Variants in HEMK2 observed in about 807,000 individuals in gnomAD.
HEMK2 encodes HemK methyltransferase 2, ETF1 glutamine and histone H4 lysine, also known as methyltransferase HEMK2.
At chr21:28,740,956 A>G in the HEMK2 span, among the ~76,000 whole-genome samples, 1 of 152,188 alleles carries the variant, frequency 6.6e-6, no homozygotes, top group East Asian at 1.9e-4. Flanking sequence ...GGCACTGTTC[A>G]TAACTGTATA....
the HEMK2 span, among the ~76,000 whole-genome samples, chr21:28,803,580 G>T: frequency 1.3e-5 from 2 of 152,098 alleles, no homozygotes; most frequent in African/African-American, 2.4e-5. Flanking sequence ...TGCCAAAGAA[G>T]GAAATATATT....
At chr21:28,627,804 G>T in the HEMK2 span, among the ~76,000 whole-genome samples, 220 of 152,246 alleles carry the variant, frequency 1.4e-3, 1 homozygote, top group Non-Finnish European at 2.4e-3. Context: ...CTCTTTTTCT[G>T]CCTGGCAGAT....
the HEMK2 span, among the ~76,000 whole-genome samples, chr21:28,857,767 T>C: frequency 6.6e-6 from 1 of 152,190 alleles, no homozygotes; most frequent in Non-Finnish European, 1.5e-5. Flanking sequence ...AAGATTTCCC[T>C]CCTTTAGGGA....
At chr21:28,836,936 G>A in the HEMK2 span, among the ~76,000 whole-genome samples, 2 of 152,130 alleles carry the variant, frequency 1.3e-5, no homozygotes, top group Non-Finnish European at 2.9e-5. Context: ...ATTATATAAT[G>A]GTAAAAGGCC....
At chr21:28,592,466 T>C in the HEMK2 span, among the ~76,000 whole-genome samples, 2 of 152,212 alleles carry the variant, frequency 1.3e-5, no homozygotes, top group South Asian at 4.1e-4. Flanking sequence ...TGAAAATGTG[T>C]GATGGGCTTA....
the HEMK2 span, among the ~76,000 whole-genome samples, chr21:28,732,059 C>A: frequency 6.6e-6 from 1 of 152,192 alleles, no homozygotes; most frequent in Non-Finnish European, 1.5e-5. Context: ...CTTTCATCAG[C>A]CACCCAGCCT....
chr21:28,845,346 A>C, the HEMK2 span, among the ~76,000 whole-genome samples: 1 of 152,082 alleles, frequency 6.6e-6, no homozygotes, highest in African/African-American at 2.4e-5. Context: ...TATTATTTAT[A>C]CTAATATCCA....
chr21:28,656,226 A>T, the HEMK2 span, among the ~76,000 whole-genome samples: 1 of 152,084 alleles, frequency 6.6e-6, no homozygotes, highest in African/African-American at 2.4e-5. Flanking sequence ...ACACAACCCA[A>T]GAAGTGGACC....
the HEMK2 span, among the ~76,000 whole-genome samples, chr21:28,584,852 C>T: frequency 7.2e-5 from 11 of 151,820 alleles, no homozygotes; most frequent in African/African-American, 2.7e-4. Context: ...TCTGTCTCTC[C>T]AAAACAAGAG....
At chr21:28,745,678 C>G in the HEMK2 span, among the ~76,000 whole-genome samples, 34,773 of 152,008 alleles carry the variant, frequency 0.23, 4,610 homozygotes, top group African/African-American at 0.35. Context: ...TGAATAATAG[C>G]TGGCTGCCAC....
At chr21:28,701,912 C>A in the HEMK2 span, among the ~76,000 whole-genome samples, 1 of 152,248 alleles carries the variant, frequency 6.6e-6, no homozygotes, top group Non-Finnish European at 1.5e-5. Context: ...AGAGGCATCA[C>A]ATTTCTCAAT....
chr21:28,759,363 C>T, the HEMK2 span, among the ~76,000 whole-genome samples: 2 of 152,142 alleles, frequency 1.3e-5, no homozygotes, highest in Non-Finnish European at 2.9e-5. Flanking sequence ...GCCAATTTCT[C>T]CCATTTGGAA....
chr21:28,811,564 T>C, the HEMK2 span, among the ~76,000 whole-genome samples: 1 of 152,312 alleles, frequency 6.6e-6, no homozygotes, highest in East Asian at 1.9e-4. Context: ...TAACATACTT[T>C]GGCATATTCC....
At chr21:28,585,629 C>T in the HEMK2 span, among the ~76,000 whole-genome samples, 1 of 151,866 alleles carries the variant, frequency 6.6e-6, no homozygotes, top group Non-Finnish European at 1.5e-5. Flanking sequence ...GCAGATTACA[C>T]AAAGTTAGAA....
chr21:28,668,301 C>A, the HEMK2 span, among the ~76,000 whole-genome samples: 1 of 152,130 alleles, frequency 6.6e-6, no homozygotes, highest in African/African-American at 2.4e-5. Flanking sequence ...AGAAGCAATA[C>A]CAAAATCTCA....
At chr21:28,880,064 G>A in the HEMK2 span, 20 of 655,418 alleles carry the variant, frequency 3.1e-5, no homozygotes, top group South Asian at 8.8e-5. Context: ...AATGTGTTAC[G>A]GGCTACGCTT....
chr21:28,777,510 A>C, the HEMK2 span, among the ~76,000 whole-genome samples: 1 of 152,144 alleles, frequency 6.6e-6, no homozygotes, highest in Non-Finnish European at 1.5e-5. Context: ...CTTAGCCCAA[A>C]CATAATTCAC....
At chr21:28,879,779 C>G in the HEMK2 span, 11 of 929,988 alleles carry the variant, frequency 1.2e-5, no homozygotes, top group African/African-American at 1.2e-4. Context: ...GTGATAGCAG[C>G]AGCTGACTGA....
the HEMK2 span, among the ~76,000 whole-genome samples, chr21:28,675,628 T>A: frequency 2.0e-5 from 3 of 152,220 alleles, no homozygotes; most frequent in African/African-American, 7.2e-5. Context: ...ATTTGATGAC[T>A]TGCATTTCAA....
Sources: allele counts gnomAD v4.1 joint callset (sites outside exome capture counted in the v4.1 genomes callset), GRCh38; gene constraint gnomAD v4.1.1; transcripts MANE v1.5; gene names NCBI Gene and HGNC (gene_info 2026-07-23, HGNC 2026-07-21).